The following TENM2 variants were observed in gnomAD, a reference collection of about 807,000 sequenced individuals.
The protein encoded by TENM2 is teneurin-2.
In TENM2, 52 loss-of-function variants were observed where a neutral mutation model predicts 245.2. That is an observed-to-expected ratio of 0.21 (90% CI 0.17 to 0.27). TENM2 has a LOEUF of 0.27. TENM2 is among the 10% of genes least tolerant of loss of function. The pLI is 1.00. For synonymous variants in TENM2, 1,363 were observed against 1,438.9 expected (o/e 0.95, Z 1.19); for missense variants, 3,046 against 3,666.8 (o/e 0.83, Z 4.37).
rs369895255 is a variant in TENM2 at position 168,262,698 on chromosome 5, G to A, written c.8213G>A (p.Arg2738His). 5.3e-5 allele frequency: 86 copies of A among 1,610,526 alleles called. 1 individual carries two copies. Among genetic ancestry groups the A allele is most frequent in the South Asian group, 1.1e-4 (10 of 89,970 alleles). The change falls in exon 29 of 29, where the codon CGC (arginine) becomes CAC (histidine). Residue 2738 changes from arginine (R) to histidine (H), a missense_variant. Transcript: ENST00000518659. The stretch of plus-strand genomic sequence containing the variant: ...AAGCAGCAGCTTCTGAGCACCGGGC[G>A]CGTGCAAGGGTACGAGGGATATTAC...
At chr5:167,770,328 G>A (rs1261255295) in intron 2 of TENM2, among the ~76,000 whole-genome samples, 1 of 152,142 alleles carries the variant, frequency 6.6e-6, no homozygotes, top group South Asian at 2.1e-4. Flanking sequence ...AAGTTAGACA[G>A]GTGGCAAGTT....
intron 19 of TENM2, among the ~76,000 whole-genome samples, chr5:168,208,865 A>T (rs1486358868): frequency 1.3e-5 from 2 of 152,190 alleles, no homozygotes; most frequent in Admixed American, 6.5e-5. Flanking sequence ...AATGAAATGG[A>T]ATATTTAGGA....
At chr5:167,276,349 A>AG in the TENM2 span, among the ~76,000 whole-genome samples, 19 of 62,586 alleles carry the variant, frequency 3.0e-4, no homozygotes, top group African/African-American at 8.0e-4. Flanking sequence ...GAGCCTGTTC[A>AG]TTTTGTGTGT....
At chr5:166,981,214 G>C in the TENM2 span, among the ~76,000 whole-genome samples, 4 of 152,130 alleles carry the variant, frequency 2.6e-5, no homozygotes, top group African/African-American at 9.7e-5. Context: ...TTCTTCCTTT[G>C]TAGTCTGCTG....
chr5:167,944,905 A>G, intron 3 of TENM2, among the ~76,000 whole-genome samples: 1 of 152,182 alleles, frequency 6.6e-6, no homozygotes, highest in Non-Finnish European at 1.5e-5. Context: ...ACAACCAAAA[A>G]ACAAACAAAG....
intron 2 of TENM2, among the ~76,000 whole-genome samples, chr5:167,840,441 A>G (rs1234382440): frequency 6.6e-6 from 1 of 152,194 alleles, no homozygotes; most frequent in Admixed American, 6.5e-5. Context: ...TTATAACTGA[A>G]TGTCACTCTT....
chr5:167,583,485 C>CACACACACAT (rs1288018701), intron 2 of TENM2, among the ~76,000 whole-genome samples: 1 of 150,982 alleles, frequency 6.6e-6, no homozygotes, highest in Non-Finnish European at 1.5e-5. Flanking sequence ...CACACACACA[C>CACACACACAT]ACACACACAC....
At chr5:167,220,604 T>A in the TENM2 span, among the ~76,000 whole-genome samples, 2 of 152,138 alleles carry the variant, frequency 1.3e-5, no homozygotes, top group Non-Finnish European at 2.9e-5. Context: ...GCATCACGTA[T>A]AGGTGCATGA....
intron 2 of TENM2, among the ~76,000 whole-genome samples, chr5:167,735,806 A>T (rs1760754474): frequency 6.6e-6 from 1 of 152,140 alleles, no homozygotes; most frequent in Non-Finnish European, 1.5e-5. Flanking sequence ...ACCCTGTCTC[A>T]CAAAAAGAAA....
At chr5:168,113,321 A>AAATAAT (rs760696651) in intron 9 of TENM2, among the ~76,000 whole-genome samples, 2 of 151,984 alleles carry the variant, frequency 1.3e-5, no homozygotes, top group East Asian at 1.9e-4. Context: ...CCATGTCTCC[A>AAATAAT]AATAATAATA....
At chr5:166,980,463 G>A in the TENM2 span, among the ~76,000 whole-genome samples, 1 of 151,902 alleles carries the variant, frequency 6.6e-6, no homozygotes, top group Non-Finnish European at 1.5e-5. Flanking sequence ...CTGGCTGCCG[G>A]GATCTGTTTT....
At chr5:168,045,482 G>A (rs1308632952) in intron 5 of TENM2, among the ~76,000 whole-genome samples, 2 of 152,160 alleles carry the variant, frequency 1.3e-5, no homozygotes, top group Non-Finnish European at 2.9e-5. Context: ...AGTGCTATAA[G>A]AGCAGAGCAG....
chr5:167,801,769 T>G (rs913348979), intron 2 of TENM2, among the ~76,000 whole-genome samples: 1 of 151,988 alleles, frequency 6.6e-6, no homozygotes. Context: ...ATATGACACT[T>G]GGGTACATCA....
chr5:167,164,351 C>T, the TENM2 span, among the ~76,000 whole-genome samples: 1 of 152,190 alleles, frequency 6.6e-6, no homozygotes. Context: ...TATCTAAAGA[C>T]ATAGCTTCAC....
chr5:168,193,861 A>G (rs916191614), intron 14 of TENM2, among the ~76,000 whole-genome samples: 1 of 152,222 alleles, frequency 6.6e-6, no homozygotes, highest in Non-Finnish European at 1.5e-5. Flanking sequence ...TTCCACTTTA[A>G]AAGAGTCTAG....
intron 2 of TENM2, among the ~76,000 whole-genome samples, chr5:167,484,739 G>C (rs1767959286): frequency 6.6e-6 from 1 of 152,142 alleles, no homozygotes; most frequent in African/African-American, 2.4e-5. Context: ...CATTTGAAAA[G>C]ATCTAATACA....
In TENM2 at chr5:167,293,976, C is replaced by CTGTGTGTGTG. The variant is rs55869331; in HGVS notation, c.226+8933_226+8942dup. Among the ~76,000 whole-genome samples, 1,358 of 148,732 alleles carry CTGTGTGTGTG rather than the reference C, an allele frequency of 9.1e-3. 23 individuals carry two copies. The highest frequency in any genetic ancestry group is 0.031 in the African/African-American group (1,248 of 40,446). On this transcript the variant is annotated intron_variant, in intron 1 of 28. Transcript: ENST00000518659. The stretch of plus-strand genomic sequence containing the variant: ...CAGAGACTCTAAGTAGATGTGAGTT[C>CTGTGTGTGTG]TGTGTGTGTGTGTGTGTGTGTGTGT...
rs2152691532 is a variant in TENM2 at position 168,247,302 on chromosome 5, G to A, written c.6363G>A (p.Glu2121=). 6.2e-7 allele frequency: 1 copy of A among 1,613,984 alleles called. No homozygotes were observed. ...CCGTTGACCTCTACCGCTATGATGA[G>A]ATTTCTGGCAAGGTGGAACACTTTG... is the stretch of plus-strand genomic sequence containing the variant. The change falls in exon 27 of 29, where the codon GAG becomes GAA. Residue 2121 remains glutamate (E), a synonymous_variant. Coordinates refer to ENST00000518659, the Ensembl canonical transcript of TENM2. This position sits in a 1 kb window ranked among gnomAD's most constrained non-coding sequence, Gnocchi z 7.8.
At chr5:167,328,903 T>C (rs1350711777) in intron 1 of TENM2, among the ~76,000 whole-genome samples, 2 of 152,238 alleles carry the variant, frequency 1.3e-5, no homozygotes, top group African/African-American at 2.4e-5. Context: ...TTTTTTGGCT[T>C]GTCTTCCCAC....
Sources: allele counts gnomAD v4.1 joint callset (sites outside exome capture counted in the v4.1 genomes callset), GRCh38; gene constraint gnomAD v4.1.1; non-coding constraint Gnocchi (gnomAD v3.1); transcripts MANE v1.5; gene names NCBI Gene and HGNC (gene_info 2026-07-23, HGNC 2026-07-21).